The following USP34 variants were observed in gnomAD, a reference collection of about 807,000 sequenced individuals.
USP34 encodes ubiquitin specific peptidase 34.
USP34 carries 70 observed loss-of-function variants against 460.3 expected under a neutral mutation model. That is an observed-to-expected ratio of 0.15 (90% CI 0.13 to 0.19). USP34 has a LOEUF of 0.19. Ranked by LOEUF, USP34 falls within the 10% of genes least tolerant of loss-of-function variation. USP34 has a pLI of 1.00. For missense variants in USP34, 3,985 were observed against 4,236.2 expected (o/e 0.94, Z 1.65); for synonymous variants, 1,647 against 1,405.3 (o/e 1.17, Z -3.85).
At chr2:61,290,167 A>C (rs1689808563) in intron 33 of USP34, among the ~76,000 whole-genome samples, 1 of 152,174 alleles carries the variant, frequency 6.6e-6, no homozygotes, top group South Asian at 2.1e-4. Flanking sequence ...TACTATACCC[A>C]TTAGAATAGC....
chr2:61,436,672 A>G (rs1416832958), intron 1 of USP34, among the ~76,000 whole-genome samples: 1 of 152,228 alleles, frequency 6.6e-6, no homozygotes, highest in African/African-American at 2.4e-5. Flanking sequence ...TTTCAACTGC[A>G]TCATAGACCA....
chr2:61,356,080 T>C (rs183460512), intron 10 of USP34, among the ~76,000 whole-genome samples: 12 of 151,826 alleles, frequency 7.9e-5, no homozygotes, highest in Non-Finnish European at 1.2e-4. Context: ...CAAAGCAAGA[T>C]CTCAAAGAGG....
intron 1 of USP34, among the ~76,000 whole-genome samples, chr2:61,456,905 T>A (rs1019263988): frequency 3.9e-5 from 6 of 151,902 alleles, no homozygotes; most frequent in African/African-American, 1.5e-4. Flanking sequence ...TTGGCCCACC[T>A]GGGACGTTGA....
intron 10 of USP34, among the ~76,000 whole-genome samples, chr2:61,352,275 T>C (rs1691963242): frequency 6.6e-6 from 1 of 152,034 alleles, no homozygotes; most frequent in South Asian, 2.1e-4. Context: ...ATGGTTTTTC[T>C]ACTTAAAATA....
chr2:61,256,237 T>C (rs1688721365), intron 48 of USP34, 147 bp downstream of exon 48: 2 of 688,396 alleles, frequency 2.9e-6, no homozygotes, highest in Non-Finnish European at 2.5e-6. Context: ...AACAACTAGA[T>C]GAAAAGTTGC....
intron 1 of USP34, among the ~76,000 whole-genome samples, chr2:61,465,319 TGA>T (rs1343826875): frequency 6.6e-6 from 1 of 152,178 alleles, no homozygotes; most frequent in Non-Finnish European, 1.5e-5. Context: ...GTTTCCACAG[TGA>T]AAGTTTACAG....
chr2:61,336,639 A>G (rs1429315380), intron 18 of USP34, among the ~76,000 whole-genome samples: 1 of 151,684 alleles, frequency 6.6e-6, no homozygotes, highest in East Asian at 1.9e-4. Context: ...GCAAAACCCC[A>G]TCTCACCTAA....
intron 5 of USP34, among the ~76,000 whole-genome samples, chr2:61,386,997 T>A (rs1389338909): frequency 6.6e-6 from 1 of 152,032 alleles, no homozygotes; most frequent in Non-Finnish European, 1.5e-5. Flanking sequence ...AACAAAACAC[T>A]TCTACCTAAA....
chr2:61,405,114 T>C (rs1258323852), intron 3 of USP34, among the ~76,000 whole-genome samples: 4 of 150,474 alleles, frequency 2.7e-5, no homozygotes, highest in Non-Finnish European at 1.5e-5. Flanking sequence ...GCACCTGTAA[T>C]CCCAACTACT....
chr2:61,229,145 A>C, intron 59 of USP34, 150 bp from the exon 60 acceptor site: 1 of 553,266 alleles, frequency 1.8e-6, no homozygotes, highest in Non-Finnish European at 2.9e-6. Context: ...TGACTGGCTA[A>C]ATCAATGCAA....
Position 61,236,046 on chromosome 2 carries a change from A to C in USP34, c.6946T>G (p.Phe2316Val). ...CATACCTTTTCTTTAGAATGAATAA[A>C]TGTCTCTAGGACAAAGGAAGTGCTT... ...KLSTSFVLET[F>V]IHSKEKPTML... Residue 2316 changes from phenylalanine to valine, a missense_variant, in exon 56 of 80, where the codon TTT becomes GTT. Transcript: ENST00000398571. 2 of 1,607,016 alleles carry C rather than the reference A, an allele frequency of 1.2e-6. No individual in the cohort carries two copies. The highest frequency in any genetic ancestry group is 1.7e-6 in the Non-Finnish European group (2 of 1,178,296).
chr2:61,205,001 T>A (rs190324896), intron 72 of USP34, among the ~76,000 whole-genome samples: 1 of 152,086 alleles, frequency 6.6e-6, no homozygotes, highest in Non-Finnish European at 1.5e-5. Context: ...ACTACCGGCA[T>A]GCACCACCAC....
chr2:61,298,364 C>CAAAAAAA (rs11417017), intron 29 of USP34, among the ~76,000 whole-genome samples: 32 of 48,046 alleles, frequency 6.7e-4, no homozygotes, highest in African/African-American at 1.7e-3. Context: ...TACAAAAATA[C>CAAAAAAA]AAAAAAAAAA....
At chr2:61,256,228 A>G (rs1037146474) in intron 48 of USP34, among the ~76,000 whole-genome samples, 156 bp downstream of exon 48, 4 of 152,208 alleles carry the variant, frequency 2.6e-5, no homozygotes, top group Non-Finnish European at 5.9e-5. Flanking sequence ...AATTCACTGA[A>G]CAACTAGATG....
intron 8 of USP34, among the ~76,000 whole-genome samples, chr2:61,376,251 C>T (rs532975438): frequency 4.0e-5 from 6 of 150,708 alleles, no homozygotes; most frequent in East Asian, 1.9e-4. Flanking sequence ...AATTCACAGC[C>T]GCCAACAATA....
At chr2:61,226,593 C>G (rs1488504673) in intron 62 of USP34, among the ~76,000 whole-genome samples, 1 of 152,102 alleles carries the variant, frequency 6.6e-6, no homozygotes, top group Non-Finnish European at 1.5e-5. Flanking sequence ...TCCATACTTC[C>G]TTTTTCAGCT....
At chr2:61,192,788 G>C in intron 76 of USP34, 113 bp downstream of exon 76, 1 of 731,648 alleles carries the variant, frequency 1.4e-6, no homozygotes, top group Non-Finnish European at 2.2e-6. Context: ...TACCTATCAA[G>C]ATTCTAAAAT....
chr2:61,412,581 A>C (rs1694072445), intron 2 of USP34, among the ~76,000 whole-genome samples: 4 of 152,048 alleles, frequency 2.6e-5, no homozygotes, highest in Admixed American at 1.3e-4. Flanking sequence ...ACAAAATAGA[A>C]AAAAATATTA....
In USP34 at chr2:61,304,396, T is replaced by C. The variant is rs138567136; in HGVS notation, c.3818-2942A>G. On this transcript the variant is annotated intron_variant, in intron 27 of 79. Coordinates refer to ENST00000398571, the MANE Select transcript of USP34 (RefSeq NM_014709.4). ...CTGTATTTGATATGAGATAGGCCAATATTCTATGTGTTAATGACAAGTGTT... is the reference window on the plus strand; with the variant it reads ...CTGTATTTGATATGAGATAGGCCAACATTCTATGTGTTAATGACAAGTGTT... 2.5e-4 allele frequency among the ~76,000 whole-genome samples: 38 copies of C among 152,348 alleles called. No individual in the cohort carries two copies. In the East Asian group the frequency reaches 6.9e-3, roughly 28 times the overall value.
Sources: gnomAD v4.1 joint callset for allele counts (sites outside exome capture counted in the v4.1 genomes callset) on GRCh38, gnomAD v4.1.1 for gene constraint, MANE v1.5 for transcripts, NCBI Gene and HGNC (gene_info 2026-07-23, HGNC 2026-07-21) for gene names.